CDH13: variants seen among roughly 807,000 people sequenced by gnomAD.
The protein encoded by CDH13 is cadherin-13.
In CDH13, 24 loss-of-function variants were observed where a neutral mutation model predicts 63.8. The observed-to-expected ratio is 0.38, with a 90% CI of 0.27 to 0.53. The LOEUF (loss-of-function observed/expected upper bound fraction) is 0.53, where lower values mean the gene tolerates loss of function less well. Among genes scored for constraint, CDH13 ranks in the 20% least tolerant of loss-of-function variants. CDH13 has a pLI of 0.85. For synonymous variants in CDH13, 503 were observed against 355.3 expected (o/e 1.42, Z -4.67); for missense variants, 1,049 against 903.1 (o/e 1.16, Z -2.07).
intron 2 of CDH13, among the ~76,000 whole-genome samples, chr16:82,948,120 G>A (rs563754869): frequency 3.1e-4 from 47 of 152,180 alleles, no homozygotes; most frequent in African/African-American, 1.1e-3. Context: ...TAACTCTAAC[G>A]TTATTCTTCT....
At chr16:82,641,364 G>C (rs924218006) in intron 1 of CDH13, among the ~76,000 whole-genome samples, 1 of 152,112 alleles carries the variant, frequency 6.6e-6, no homozygotes, top group African/African-American at 2.4e-5. Context: ...CCCTGGGTAG[G>C]GTATGAATAT....
chr16:83,704,215 G>T (rs1046636167), intron 10 of CDH13, among the ~76,000 whole-genome samples: 6 of 152,188 alleles, frequency 3.9e-5, no homozygotes, highest in African/African-American at 1.4e-4. Context: ...GGATAGAAAG[G>T]TGTTTTCAAT....
intron 11 of CDH13, among the ~76,000 whole-genome samples, chr16:83,767,912 G>T (rs1379319966): frequency 1.3e-5 from 2 of 152,098 alleles, no homozygotes; most frequent in African/African-American, 4.8e-5. Flanking sequence ...TGTTCTAAAA[G>T]TAGGTAGTGG....
At chr16:82,941,100 T>A (rs1233131618) in intron 2 of CDH13, among the ~76,000 whole-genome samples, 1 of 152,104 alleles carries the variant, frequency 6.6e-6, no homozygotes, top group African/African-American at 2.4e-5. Flanking sequence ...AATGAGAGAT[T>A]GGATGAAAAG....
intron 1 of CDH13, among the ~76,000 whole-genome samples, chr16:82,747,025 C>T (rs1364112081): frequency 6.6e-6 from 1 of 152,146 alleles, no homozygotes; most frequent in Non-Finnish European, 1.5e-5. Flanking sequence ...TGTCTTAGTC[C>T]TCTTCTATTC....
intron 6 of CDH13, among the ~76,000 whole-genome samples, chr16:83,481,337 C>G (rs569474206): frequency 6.6e-6 from 1 of 152,262 alleles, no homozygotes; most frequent in South Asian, 2.1e-4. Flanking sequence ...GGGATGGAGT[C>G]AAAGAAATGT....
intron 4 of CDH13, among the ~76,000 whole-genome samples, chr16:83,131,509 T>C (rs2036052264): frequency 6.6e-6 from 1 of 152,168 alleles, no homozygotes; most frequent in African/African-American, 2.4e-5. Flanking sequence ...ATTTGGGCCA[T>C]AAATAATTTC....
chr16:82,690,591 C>T lies in CDH13; in HGVS notation c.45+63454C>T, dbSNP rs137856290. Among the ~76,000 whole-genome samples, 1,041 of 152,142 alleles carry T rather than the reference C, an allele frequency of 6.8e-3. 11 individuals carry two copies. The highest frequency in any genetic ancestry group is 0.011 in the Non-Finnish European group (752 of 68,008). On this transcript the variant is annotated intron_variant, in intron 1 of 13. Coordinates refer to ENST00000567109, the MANE Select transcript of CDH13 (RefSeq NM_001257.5). ...GAAGAGTTCATCTCGTGAGAATGAG[C>T]AAAGAGACACTTAAGAAAAAAATCT...
intron 10 of CDH13, among the ~76,000 whole-genome samples, chr16:83,687,250 T>G (rs1424844637): frequency 6.6e-6 from 1 of 152,106 alleles, no homozygotes; most frequent in Non-Finnish European, 1.5e-5. Flanking sequence ...ATTAGTCCAT[T>G]CTCAAATTGC....
chr16:82,637,500 G>T (rs1030567132), intron 1 of CDH13: 1 of 145,970 alleles, frequency 6.9e-6, no homozygotes, highest in East Asian at 2.1e-4. Flanking sequence ...GCGCGATCTC[G>T]GCTCACTGCA....
chr16:83,627,712 G>A (rs533575020), intron 8 of CDH13, among the ~76,000 whole-genome samples: 13 of 152,178 alleles, frequency 8.5e-5, no homozygotes, highest in Admixed American at 2.0e-4. Flanking sequence ...CACTGTTACC[G>A]GAAAGAGGTC....
intron 2 of CDH13, among the ~76,000 whole-genome samples, chr16:82,894,340 A>G (rs754481255): frequency 1.3e-5 from 2 of 152,222 alleles, no homozygotes; most frequent in Non-Finnish European, 2.9e-5. Flanking sequence ...ACTGGGCCAG[A>G]CAGTGCCTTA....
chr16:82,911,738 A>G (rs537292452), intron 2 of CDH13, among the ~76,000 whole-genome samples: 3 of 152,162 alleles, frequency 2.0e-5, no homozygotes, highest in South Asian at 4.2e-4. Flanking sequence ...CCCTTACTCA[A>G]TGGCCATCCA....
In CDH13 at chr16:83,032,025, G is replaced by T. The variant is rs1380288090; in HGVS notation, c.173G>T (p.Cys58Phe). 3 of 1,594,384 alleles carry T rather than the reference G, an allele frequency of 1.9e-6. No individual in the cohort carries two copies. The highest frequency in any genetic ancestry group is 1.3e-5 in the African/African-American group (1 of 74,598). ...QSILNLTFSD[C>F]KGNDKLRYEV... Reference sequence around the variant, plus strand: ...TGTTTCCCAGTGACCTTCAGTGACTGTAAGGGAAACGACAAGCTACGCTAT... The same window carrying T: ...TGTTTCCCAGTGACCTTCAGTGACTTTAAGGGAAACGACAAGCTACGCTAT... Residue 58 changes from cysteine (C) to phenylalanine (F), a missense_variant, in exon 3 of 14, where the codon TGT becomes TTT. Transcript: ENST00000567109.
intron 2 of CDH13, among the ~76,000 whole-genome samples, chr16:83,027,922 G>C (rs1372355188): frequency 6.6e-6 from 1 of 152,180 alleles, no homozygotes; most frequent in Admixed American, 6.5e-5. Context: ...CTTCAAACTA[G>C]GGACTGTGCC....
intron 1 of CDH13, among the ~76,000 whole-genome samples, chr16:82,801,653 C>A (rs573204637): frequency 6.6e-6 from 1 of 152,208 alleles, no homozygotes; most frequent in African/African-American, 2.4e-5. Context: ...CAAAGCTTAA[C>A]CGTAGACAGG....
intron 1 of CDH13, among the ~76,000 whole-genome samples, chr16:82,658,542 G>A (rs941932570): frequency 1.2e-4 from 19 of 152,330 alleles, no homozygotes; most frequent in African/African-American, 4.3e-4. Flanking sequence ...GGTATAAATT[G>A]CACCTCCGTT....
At chr16:83,226,383 T>A (rs944045543) in intron 5 of CDH13, among the ~76,000 whole-genome samples, 2 of 152,218 alleles carry the variant, frequency 1.3e-5, no homozygotes, top group South Asian at 4.1e-4. Context: ...TATTTTTCTC[T>A]GAACTTCATT....
Position 83,014,318 on chromosome 16 carries a change from A to AT in CDH13, c.158-17691dup, listed in dbSNP as rs1491230569. Among the ~76,000 whole-genome samples, 127 of 123,282 alleles carry AT rather than the reference A, an allele frequency of 1.0e-3. 2 individuals carry two copies. Among genetic ancestry groups the AT allele is most frequent in the African/African-American group, 4.3e-3 (119 of 27,468 alleles). The allele number at this position is 123,282 out of a possible 152,430, so 80.9% of individuals were successfully genotyped here. ...GAGACAACTCTTAGAGCCCAAATCGATAAAAAAAAAAAAAAAAAAAAAAAA... is the reference window on the plus strand; with the variant it reads ...GAGACAACTCTTAGAGCCCAAATCGATTAAAAAAAAAAAAAAAAAAAAAAAA... On this transcript the variant is annotated intron_variant, in intron 2 of 13. Transcript: ENST00000567109.
Sources: gnomAD v4.1 joint callset for allele counts (sites outside exome capture counted in the v4.1 genomes callset) on GRCh38, gnomAD v4.1.1 for gene constraint, MANE v1.5 for transcripts, NCBI Gene and HGNC (gene_info 2026-07-23, HGNC 2026-07-21) for gene names.